ULK4: variants seen among roughly 807,000 people sequenced by gnomAD.
ULK4 encodes the protein unc-51 like kinase 4.
In ULK4, 133 loss-of-function variants were observed where a neutral mutation model predicts 160.6. That is an observed-to-expected ratio of 0.83 (90% CI 0.72 to 0.96). The LOEUF (loss-of-function observed/expected upper bound fraction) is 0.96, where lower values mean the gene tolerates loss of function less well. ULK4 is among the 40% of genes least tolerant of loss of function. The pLI is 0.00. For synonymous variants in ULK4, 534 were observed against 539.8 expected (o/e 0.99, Z 0.15); for missense variants, 1,580 against 1,499.5 (o/e 1.05, Z -0.89).
At chr3:41,794,659 T>TAAAAAAAAAAAAAAAAAAAAAAA (rs2040241716) in intron 20 of ULK4, among the ~76,000 whole-genome samples, 1 of 7,878 alleles carries the variant, frequency 1.3e-4, no homozygotes, top group Non-Finnish European at 1.7e-4. Flanking sequence ...AGACTCTGTC[T>TAAAAAAAAAAAAAAAAAAAAAAA]CAAAAAAAAA....
chr3:41,724,179 G>A (rs1195546906), intron 22 of ULK4, among the ~76,000 whole-genome samples: 1 of 152,132 alleles, frequency 6.6e-6, no homozygotes, highest in African/African-American at 2.4e-5. Flanking sequence ...TAGTGTTCCG[G>A]TATGTGAATA....
intron 34 of ULK4, among the ~76,000 whole-genome samples, chr3:41,415,565 G>T (rs149158000): frequency 9.9e-5 from 15 of 152,154 alleles, no homozygotes; most frequent in Non-Finnish European, 1.8e-4. Context: ...CCTCTGCCTG[G>T]GGTATTCACT....
intron 35 of ULK4, among the ~76,000 whole-genome samples, chr3:41,303,284 G>T (rs2125712339): frequency 6.6e-6 from 1 of 152,312 alleles, no homozygotes; most frequent in African/African-American, 2.4e-5. Context: ...CCTAACATAA[G>T]ATTAAATTGT....
At chr3:41,803,982 G>A (rs897565628) in intron 19 of ULK4, among the ~76,000 whole-genome samples, 21 of 152,178 alleles carry the variant, frequency 1.4e-4, no homozygotes, top group African/African-American at 3.9e-4. Flanking sequence ...ATGATTTATA[G>A]TCCTTTGGGT....
At chr3:41,829,917 C>G (rs2041516351) in intron 18 of ULK4, among the ~76,000 whole-genome samples, 1 of 151,486 alleles carries the variant, frequency 6.6e-6, no homozygotes, top group Admixed American at 6.6e-5. Flanking sequence ...CAATGATAGA[C>G]TGGATTAAGA....
Position 41,938,204 on chromosome 3 carries a change from A to G in ULK4, c.139-7T>C, listed in dbSNP as rs1699840911. On this transcript the variant is annotated splice_polypyrimidine_tract_variant and splice_region_variant and intron_variant, in intron 2 of 36. Coordinates refer to ENST00000301831, the MANE Select transcript of ULK4 (RefSeq NM_017886.4). ...TTTCACGGGTGAGACGGACCTATAA[A>G]AACACAGAGCAATCACTCTAAAAAG... is the stretch of plus-strand genomic sequence containing the variant. 2 of 1,607,770 alleles carry G rather than the reference A, an allele frequency of 1.2e-6. No individual in the cohort carries two copies. The highest frequency in any genetic ancestry group is 1.7e-6 in the Non-Finnish European group (2 of 1,176,860).
At position 41,621,864 on chromosome 3, in the gene ULK4, T is replaced by G. The variant is rs147208867; in HGVS notation, c.3072-6147A>C. On this transcript the variant is annotated intron_variant, in intron 30 of 36. Coordinates refer to ENST00000301831, the MANE Select transcript of ULK4 (RefSeq NM_017886.4). ...GGAGAAAATTTTTGCAATTTTTCTG[T>G]GTGACATAGGTCTAACAGCCAGAAT... Among the ~76,000 whole-genome samples, 834 of 152,282 alleles carry G rather than the reference T, an allele frequency of 5.5e-3. 10 individuals are homozygous for G. The highest frequency in any genetic ancestry group is 0.018 in the African/African-American group (755 of 41,560).
rs2040093750 is a variant in ULK4, at chr3:41,789,759, G to A, written c.2095C>T (p.Leu699=). The A allele has an allele frequency of 6.2e-7, 1 of 1,613,924 alleles. No homozygotes were observed. Among genetic ancestry groups the A allele is most frequent in the Non-Finnish European group, 8.5e-7 (1 of 1,179,886 alleles). ...KVGLNSVINS[L]ASAICKVQQY... Reference sequence around the variant, plus strand: ...TGAACTTTGCAGATGGCAGAGGCCAGGGAGTTTATTACTGAGTTCAGTCCC... The same window carrying A: ...TGAACTTTGCAGATGGCAGAGGCCAAGGAGTTTATTACTGAGTTCAGTCCC... Residue 699 remains leucine, a synonymous_variant, in exon 21 of 37, where the codon CTG becomes TTG. Transcript: ENST00000301831.
intron 9 of ULK4, among the ~76,000 whole-genome samples, chr3:41,912,210 C>A (rs1019987036): frequency 6.6e-6 from 1 of 151,762 alleles, no homozygotes; most frequent in African/African-American, 2.4e-5. Flanking sequence ...CACCTATAGT[C>A]TCAGCTACCC....
chr3:41,602,279 A>G (rs1295678674), intron 31 of ULK4, among the ~76,000 whole-genome samples: 1 of 111,286 alleles, frequency 9.0e-6, no homozygotes, highest in African/African-American at 4.2e-5. Flanking sequence ...AGGAAAGGAA[A>G]GGAAAGGAAA....
At chr3:41,864,515 G>C (rs1336186715) in intron 17 of ULK4, among the ~76,000 whole-genome samples, 5 of 152,084 alleles carry the variant, frequency 3.3e-5, no homozygotes, top group African/African-American at 4.8e-5. Context: ...TTGCAGGAGG[G>C]ATGATAGGTG....
intron 32 of ULK4, among the ~76,000 whole-genome samples, chr3:41,469,313 C>G (rs1319353321): frequency 6.6e-6 from 1 of 152,128 alleles, no homozygotes; most frequent in Non-Finnish European, 1.5e-5. Context: ...GCATCCTGAT[C>G]ACAGCCCCTC....
intron 33 of ULK4, 68 bp downstream of exon 33, chr3:41,463,019 G>A: frequency 5.3e-6 from 8 of 1,516,828 alleles, no homozygotes; most frequent in Admixed American, 1.9e-5. Flanking sequence ...AGATAAGAAA[G>A]AAGAGAATGA....
chr3:41,961,552 C>CCCACCT (rs1559679759), intron 1 of ULK4, among the ~76,000 whole-genome samples: 1 of 8,272 alleles, frequency 1.2e-4, no homozygotes, highest in Non-Finnish European at 5.0e-4. Flanking sequence ...AGTCACTCAC[C>CCCACCT]CCCCCCCCCC....
At chr3:41,438,601 G>C (rs969974997) in intron 34 of ULK4, among the ~76,000 whole-genome samples, 1 of 152,088 alleles carries the variant, frequency 6.6e-6, no homozygotes, top group East Asian at 1.9e-4. Flanking sequence ...CAGGATCACT[G>C]AGACCAGCAG....
intron 32 of ULK4, among the ~76,000 whole-genome samples, chr3:41,501,277 C>A (rs561168285): frequency 6.6e-6 from 1 of 152,288 alleles, no homozygotes; most frequent in African/African-American, 2.4e-5. Flanking sequence ...ACGGGCGGAT[C>A]ACGAGGTCAG....
At chr3:41,911,885 G>A (rs961765243) in intron 9 of ULK4, among the ~76,000 whole-genome samples, 2 of 152,162 alleles carry the variant, frequency 1.3e-5, no homozygotes, top group Non-Finnish European at 2.9e-5. Flanking sequence ...AGGCGTGGTG[G>A]TACACACCTG....
chr3:41,938,552 C>T (rs1559663350), intron 2 of ULK4, among the ~76,000 whole-genome samples: 1 of 151,996 alleles, frequency 6.6e-6, no homozygotes. Context: ...CGTGGTGGCA[C>T]GCGCCTGAAA....
At chr3:41,403,538 G>A (rs1259501051) in intron 34 of ULK4, among the ~76,000 whole-genome samples, 1 of 151,832 alleles carries the variant, frequency 6.6e-6, no homozygotes, top group Non-Finnish European at 1.5e-5. Context: ...TTCAGAGTCA[G>A]CTTTTTGTTT....
Sources: gnomAD v4.1 joint callset for allele counts (sites outside exome capture counted in the v4.1 genomes callset) on GRCh38, gnomAD v4.1.1 for gene constraint, MANE v1.5 for transcripts, NCBI Gene and HGNC (gene_info 2026-07-23, HGNC 2026-07-21) for gene names.